Variants in CDH13 observed in about 807,000 individuals in gnomAD.
CDH13 encodes cadherin-13.
In CDH13, 24 loss-of-function variants were observed where a neutral mutation model predicts 63.8. The ratio of observed to expected loss-of-function variants is 0.38; its 90% confidence interval spans 0.27 to 0.53. CDH13 has a LOEUF of 0.53. Ranked by LOEUF, CDH13 falls within the 20% of genes least tolerant of loss-of-function variation. CDH13 has a pLI of 0.85. For synonymous variants in CDH13, 503 were observed against 355.3 expected, an observed-to-expected ratio of 1.42 and a Z score of -4.67; for missense variants, 1,049 against 903.1, an observed-to-expected ratio of 1.16 and a Z score of -2.07.
chr16:82,917,510 G>A (rs2042026185), intron 2 of CDH13, among the ~76,000 whole-genome samples: 1 of 152,182 alleles, frequency 6.6e-6, no homozygotes. Flanking sequence ...GAGTGGAAAT[G>A]AGGGGGATTC....
At chr16:83,546,074 G>C (rs188672880) in intron 7 of CDH13, among the ~76,000 whole-genome samples, 39 of 152,316 alleles carry the variant, frequency 2.6e-4, no homozygotes, top group African/African-American at 8.4e-4. Context: ...GAGTGATGAG[G>C]AAGAGTGAAA....
In CDH13 at chr16:82,924,121, T is replaced by C. The variant is rs151094990; in HGVS notation, c.157+65648T>C. On this transcript the variant is annotated intron_variant, in intron 2 of 13. Coordinates refer to ENST00000567109, the MANE Select transcript of CDH13 (RefSeq NM_001257.5). ...AACTGGTATATAACTAGTTTCCCTATTTCCTTTTCCCTGTTTCATAGAAAA... is the reference window on the plus strand; with the variant it reads ...AACTGGTATATAACTAGTTTCCCTACTTCCTTTTCCCTGTTTCATAGAAAA... Among the ~76,000 whole-genome samples, 358 of 152,360 alleles carry C rather than the reference T, an allele frequency of 2.3e-3. 1 individual carries two copies. Among genetic ancestry groups the C allele is most frequent in the African/African-American group, 8.3e-3 (345 of 41,586 alleles).
At chr16:83,718,219 G>A (rs1439397447) in intron 10 of CDH13, among the ~76,000 whole-genome samples, 1 of 152,206 alleles carries the variant, frequency 6.6e-6, no homozygotes, top group East Asian at 1.9e-4. Context: ...TATGCGTACA[G>A]GAGCTGAATC....
chr16:83,252,136 ATG>A (rs869267532), intron 5 of CDH13, among the ~76,000 whole-genome samples: 39,305 of 128,098 alleles, frequency 0.31, 6,039 homozygotes, highest in East Asian at 0.41. Flanking sequence ...ACACATATAT[ATG>A]TATATATATA....
chr16:83,573,108 A>G (rs781416415), intron 7 of CDH13, among the ~76,000 whole-genome samples: 3 of 152,224 alleles, frequency 2.0e-5, no homozygotes, highest in Non-Finnish European at 2.9e-5. Flanking sequence ...ACTGTGCACA[A>G]TGCAGTAACA....
chr16:83,635,332 C>CTTT lies in CDH13; in HGVS notation c.1101+32765_1101+32767dup, dbSNP rs71148847. 5.0e-3 allele frequency among the ~76,000 whole-genome samples: 232 copies of CTTT among 46,726 alleles called. 4 individuals carry two copies. The highest frequency in any genetic ancestry group is 6.6e-3 in the African/African-American group (67 of 10,120). 30.7% of individuals were successfully genotyped at this position (46,726 alleles called of 152,430 possible). A position where few individuals can be genotyped will look rare whatever the true frequency, so the allele number is the denominator to read the frequency against. On this transcript the variant is annotated intron_variant, in intron 8 of 13. Transcript: ENST00000567109. Reference sequence around the variant, plus strand: ...ACTTTAACTTTTGCCCATTTTCTTTCTTTTTTTTTTTTTTTTTTTTTTTTT... The same window carrying CTTT: ...ACTTTAACTTTTGCCCATTTTCTTTCTTTTTTTTTTTTTTTTTTTTTTTTTTTT...
At chr16:82,993,072 G>T (rs759329179) in intron 2 of CDH13, among the ~76,000 whole-genome samples, 1 of 152,048 alleles carries the variant, frequency 6.6e-6, no homozygotes, top group Non-Finnish European at 1.5e-5. Flanking sequence ...GACTTACCAG[G>T]CCCTATCTTC....
At chr16:83,113,460 A>G (rs1364418696) in intron 3 of CDH13, among the ~76,000 whole-genome samples, 1 of 152,216 alleles carries the variant, frequency 6.6e-6, no homozygotes, top group Non-Finnish European at 1.5e-5. Flanking sequence ...TGCTTTTTAG[A>G]CACCTGCTCT....
intron 9 of CDH13, among the ~76,000 whole-genome samples, chr16:83,676,251 T>C (rs1914944216): frequency 6.6e-6 from 1 of 152,190 alleles, no homozygotes; most frequent in Admixed American, 6.5e-5. Flanking sequence ...TGCTTGTGCA[T>C]ACGTCTCCGG....
chr16:83,715,813 CG>C (rs1180839770), intron 10 of CDH13, among the ~76,000 whole-genome samples: 3 of 152,006 alleles, frequency 2.0e-5, no homozygotes, highest in Non-Finnish European at 4.4e-5. Context: ...TTGACAACAG[CG>C]TGTGACAAGG....
At chr16:83,121,060 C>A (rs1387507617) in intron 3 of CDH13, among the ~76,000 whole-genome samples, 1 of 152,128 alleles carries the variant, frequency 6.6e-6, no homozygotes, top group African/African-American at 2.4e-5. Flanking sequence ...CTGCGCCCAG[C>A]CAATGCTGTT....
chr16:82,989,422 G>C (rs1010617796), intron 2 of CDH13, among the ~76,000 whole-genome samples: 1 of 152,214 alleles, frequency 6.6e-6, no homozygotes, highest in Non-Finnish European at 1.5e-5. Context: ...AGAGGGATGG[G>C]GAGATGAAGA....
At chr16:82,757,948 C>T (rs753101297) in intron 1 of CDH13, among the ~76,000 whole-genome samples, 11 of 152,112 alleles carry the variant, frequency 7.2e-5, no homozygotes, top group East Asian at 1.9e-4. Flanking sequence ...CGCACCTGGC[C>T]GCCACAGCTT....
intron 4 of CDH13, among the ~76,000 whole-genome samples, chr16:83,166,111 G>C (rs183061216): frequency 3.3e-5 from 5 of 152,134 alleles, no homozygotes; most frequent in Non-Finnish European, 5.9e-5. Context: ...ACAATTTGCA[G>C]TTGGTGGCCA....
At chr16:83,439,595 G>A (rs74642127) in intron 6 of CDH13, among the ~76,000 whole-genome samples, 4,486 of 152,330 alleles carry the variant, frequency 0.029, 60 homozygotes, top group East Asian at 0.049. Flanking sequence ...AATTGGCAAA[G>A]AAGCAGCTAT....
At chr16:83,321,903 C>T (rs2090235867) in intron 5 of CDH13, among the ~76,000 whole-genome samples, 1 of 152,128 alleles carries the variant, frequency 6.6e-6, no homozygotes, top group Admixed American at 6.5e-5. Context: ...AGGACAAATT[C>T]TGTGTGACTA....
chr16:83,741,936 A>G (rs1912104240), intron 10 of CDH13, among the ~76,000 whole-genome samples: 1 of 152,166 alleles, frequency 6.6e-6, no homozygotes, highest in South Asian at 2.1e-4. Context: ...ACTGAGGAGG[A>G]ACAGTTTCAT....
intron 8 of CDH13, among the ~76,000 whole-genome samples, chr16:83,635,582 T>C (rs1184514774): frequency 6.6e-6 from 1 of 152,090 alleles, no homozygotes; most frequent in Non-Finnish European, 1.5e-5. Flanking sequence ...GACCTCGTGA[T>C]CTGCCTGCCT....
At chr16:83,345,924 C>T (rs966888023) in intron 6 of CDH13, among the ~76,000 whole-genome samples, 1 of 152,082 alleles carries the variant, frequency 6.6e-6, no homozygotes, top group Non-Finnish European at 1.5e-5. Flanking sequence ...ATTTTTCCCC[C>T]TTTTCTGAAT....
Sources: gnomAD v4.1 joint callset for allele counts (sites outside exome capture counted in the v4.1 genomes callset) on GRCh38, gnomAD v4.1.1 for gene constraint, MANE v1.5 for transcripts, NCBI Gene and HGNC (gene_info 2026-07-23, HGNC 2026-07-21) for gene names.